Variants in CRPPA observed in about 807,000 individuals in gnomAD.
The protein encoded by CRPPA is D-ribitol-5-phosphate cytidylyltransferase.
A neutral mutation model predicts 52.0 loss-of-function variants in CRPPA; 43 were observed. That is an observed-to-expected ratio of 0.83 (90% CI 0.65 to 1.07). The LOEUF (loss-of-function observed/expected upper bound fraction) is 1.07, where lower values mean the gene tolerates loss of function less well. Among genes scored for constraint, CRPPA ranks in the 50% least tolerant of loss-of-function variants. CRPPA has a pLI of 0.00. For missense variants in CRPPA, 629 were observed against 551.7 expected (o/e 1.14, Z -1.40); for synonymous variants, 250 against 203.5 (o/e 1.23, Z -1.94).
At chr7:16,297,039 T>A (rs538665484) in intron 5 of CRPPA, among the ~76,000 whole-genome samples, 32 of 152,300 alleles carry the variant, frequency 2.1e-4, no homozygotes, top group Middle Eastern at 3.4e-3. Context: ...GAATCCAGCA[T>A]CTGCTTTAGC....
intron 9 of CRPPA, among the ~76,000 whole-genome samples, chr7:16,200,475 T>C (rs1453507773): frequency 6.6e-6 from 1 of 152,192 alleles, no homozygotes; most frequent in Non-Finnish European, 1.5e-5. Context: ...TGATCTAAAT[T>C]AAACTTTCTC....
At chr7:16,206,705 TAC>T (rs1399460457) in intron 9 of CRPPA, among the ~76,000 whole-genome samples, 1 of 152,180 alleles carries the variant, frequency 6.6e-6, no homozygotes, top group African/African-American at 2.4e-5. Context: ...TTTAGAATGA[TAC>T]AGTGATTACA....
chr7:16,236,831 T>G (rs942524069), intron 8 of CRPPA, among the ~76,000 whole-genome samples: 1 of 152,114 alleles, frequency 6.6e-6, no homozygotes, highest in Non-Finnish European at 1.5e-5. Context: ...CATTGTAATA[T>G]AAAAGATATA....
At chr7:16,230,203 G>T (rs1782757148) in intron 8 of CRPPA, among the ~76,000 whole-genome samples, 1 of 152,100 alleles carries the variant, frequency 6.6e-6, no homozygotes, top group Non-Finnish European at 1.5e-5. Flanking sequence ...AAAAACAATT[G>T]TTACTATTTA....
chr7:16,387,855 T>C (rs1303173716), intron 2 of CRPPA, among the ~76,000 whole-genome samples: 1 of 152,162 alleles, frequency 6.6e-6, no homozygotes, highest in Non-Finnish European at 1.5e-5. Context: ...GAAGTGCACA[T>C]AGAACATTCT....
At position 16,089,026 on chromosome 7, in the gene CRPPA, C is replaced by A. The variant is rs543598848; in HGVS notation, c.*2669G>T. On this transcript the variant is annotated 3_prime_UTR_variant, in exon 10 of 10. Coordinates refer to ENST00000407010, the MANE Select transcript of CRPPA (RefSeq NM_001101426.4). Reference sequence around the variant, plus strand: ...TATTATCAGTCTTCCTTATTTTAAGCCCAAACTTTTGTTACTATTCAGTCA... The same window carrying A: ...TATTATCAGTCTTCCTTATTTTAAGACCAAACTTTTGTTACTATTCAGTCA... The A allele has an allele frequency of 8.9e-6, 2 of 223,772 alleles. No homozygotes were observed. The highest frequency in any genetic ancestry group is 2.0e-5 in the Non-Finnish European group (2 of 101,688). 13.9% of individuals were successfully genotyped at this position (223,772 alleles called of 1,614,324 possible). A position where few individuals can be genotyped will look rare whatever the true frequency, so the allele number is the denominator to read the frequency against.
intron 9 of CRPPA, among the ~76,000 whole-genome samples, chr7:16,176,066 G>C (rs149866842): frequency 2.7e-3 from 404 of 152,220 alleles, no homozygotes; most frequent in African/African-American, 8.8e-3. Context: ...ACTGTGGTTA[G>C]AAGAAGTTAC....
At chr7:16,305,658 G>T (rs1029219112) in intron 4 of CRPPA, among the ~76,000 whole-genome samples, 2 of 152,132 alleles carry the variant, frequency 1.3e-5, no homozygotes, top group Non-Finnish European at 2.9e-5. Flanking sequence ...ACAAAGTCAG[G>T]AGATCAAGAC....
rs1781774735 is a variant in CRPPA at position 16,089,381 on chromosome 7, C to CGTATATATGTACATATATA, written c.*2313_*2314insTATATATGTACATATATAC. The CGTATATATGTACATATATA allele has an allele frequency of 3.9e-6, 1 of 258,764 alleles. No homozygotes were observed. Among genetic ancestry groups the CGTATATATGTACATATATA allele is most frequent in the African/African-American group, 2.4e-5 (1 of 40,880 alleles). The allele number at this position is 258,764 out of a possible 1,614,324, so 16.0% of individuals were successfully genotyped here. A position where few individuals can be genotyped will look rare whatever the true frequency, so the allele number is the denominator to read the frequency against. ...ATACATACATGCATGTACATATATA[C>CGTATATATGTACATATATA]GTATATATGTATGTACATAATGTGT... On this transcript the variant is annotated 3_prime_UTR_variant, in exon 10 of 10. Coordinates refer to ENST00000407010, the MANE Select transcript of CRPPA (RefSeq NM_001101426.4).
chr7:16,115,315 A>C (rs752591654), intron 9 of CRPPA, among the ~76,000 whole-genome samples: 2 of 152,194 alleles, frequency 1.3e-5, no homozygotes, highest in Non-Finnish European at 2.9e-5. Context: ...ATGTTGAGTA[A>C]GATATATGTT....
intron 2 of CRPPA, among the ~76,000 whole-genome samples, chr7:16,402,080 T>A (rs1370899185): frequency 7.0e-6 from 1 of 143,170 alleles, no homozygotes; most frequent in Non-Finnish European, 1.6e-5. Flanking sequence ...AACTGTAATT[T>A]CCACACTAAG....
rs562583486 is a variant in CRPPA, at chr7:16,346,115, G to A, written c.684+29977C>T. Among the ~76,000 whole-genome samples the A allele has an allele frequency of 6.6e-5, 10 of 152,074 alleles. 1 individual carries two copies. Among genetic ancestry groups the A allele is most frequent in the African/African-American group, 2.2e-4 (9 of 41,496 alleles). On this transcript the variant is annotated intron_variant, in intron 3 of 9. Transcript: ENST00000407010. ...TTCTCCAAATGTTTCCTTCTTATAA[G>A]AACAAAATAATTACTGAGTGGCTAT... is the stretch of plus-strand genomic sequence containing the variant.
intron 6 of CRPPA, among the ~76,000 whole-genome samples, chr7:16,262,978 T>C (rs1269223350): frequency 6.6e-6 from 1 of 152,250 alleles, no homozygotes; most frequent in Non-Finnish European, 1.5e-5. Flanking sequence ...AGGAAGATTT[T>C]ATGAATGATC....
intron 9 of CRPPA, among the ~76,000 whole-genome samples, chr7:16,111,846 C>T (rs1460214140): frequency 6.6e-6 from 1 of 152,030 alleles, no homozygotes; most frequent in Non-Finnish European, 1.5e-5. Context: ...AGTTCTATTG[C>T]AATGTGGTGA....
intron 3 of CRPPA, among the ~76,000 whole-genome samples, chr7:16,339,780 A>G (rs1166333350): frequency 2.0e-5 from 3 of 152,216 alleles, no homozygotes; most frequent in Non-Finnish European, 4.4e-5. Flanking sequence ...TCTATGCAGA[A>G]AATGTAAATG....
At chr7:16,338,591 G>A (rs1785745247) in intron 3 of CRPPA, among the ~76,000 whole-genome samples, 2 of 152,042 alleles carry the variant, frequency 1.3e-5, no homozygotes, top group Admixed American at 1.3e-4. Flanking sequence ...CATAACTGCA[G>A]ACTTCATGGA....
intron 5 of CRPPA, 90 bp downstream of exon 5, chr7:16,301,331 A>C: frequency 4.8e-6 from 5 of 1,035,092 alleles, no homozygotes; most frequent in Non-Finnish European, 4.4e-6. Flanking sequence ...TCTGCTTTTG[A>C]GATTGCTGGG....
At chr7:16,289,591 C>T (rs1562610971) in intron 5 of CRPPA, among the ~76,000 whole-genome samples, 1 of 152,120 alleles carries the variant, frequency 6.6e-6, no homozygotes, top group Non-Finnish European at 1.5e-5. Context: ...ATATGATCCT[C>T]TTAATAGACA....
intron 2 of CRPPA, 48 bp downstream of exon 2, chr7:16,406,013 C>G (rs1242335436): frequency 1.9e-6 from 3 of 1,549,140 alleles, no homozygotes; most frequent in Non-Finnish European, 2.6e-6. Context: ...AAATGAACCA[C>G]ACTACAGTGC....
Sources: allele counts gnomAD v4.1 joint callset (sites outside exome capture counted in the v4.1 genomes callset), GRCh38; gene constraint gnomAD v4.1.1; transcripts MANE v1.5; gene names NCBI Gene and HGNC (gene_info 2026-07-23, HGNC 2026-07-21).